Variants in PARD3B observed in about 807,000 individuals in gnomAD.
PARD3B encodes the protein partitioning defective 3 homolog B.
PARD3B carries 103 observed loss-of-function variants against 130.2 expected under a neutral mutation model. That is an observed-to-expected ratio of 0.79 (90% CI 0.67 to 0.93). The LOEUF is 0.93. PARD3B is among the 40% of genes least tolerant of loss of function. PARD3B has a pLI of 0.00. For missense variants in PARD3B, 1,609 were observed against 1,499.2 expected (o/e 1.07, Z -1.21); for synonymous variants, 583 against 553.2 (o/e 1.05, Z -0.76).
At chr2:204,932,038 C>A (rs987772472) in intron 2 of PARD3B, among the ~76,000 whole-genome samples, 1 of 151,974 alleles carries the variant, frequency 6.6e-6, no homozygotes, top group Non-Finnish European at 1.5e-5. Flanking sequence ...TCTACATTTG[C>A]CGAATTCTAG....
At chr2:205,166,416 G>A (rs190142238) in intron 11 of PARD3B, among the ~76,000 whole-genome samples, 1 of 152,134 alleles carries the variant, frequency 6.6e-6, no homozygotes, top group African/African-American at 2.4e-5. Flanking sequence ...AGTCACCAAG[G>A]TATGTACACC....
chr2:205,124,713 C>T (rs1001294603), intron 9 of PARD3B, among the ~76,000 whole-genome samples: 4 of 152,170 alleles, frequency 2.6e-5, no homozygotes, highest in Non-Finnish European at 5.9e-5. Context: ...CATTTCTGAT[C>T]TTCCCTCTCT....
chr2:205,379,175 G>T (rs181442726), intron 18 of PARD3B, among the ~76,000 whole-genome samples: 6 of 152,108 alleles, frequency 3.9e-5, no homozygotes, highest in East Asian at 1.9e-4. Context: ...GTTCTCAAAG[G>T]CTCCATAATT....
intron 2 of PARD3B, among the ~76,000 whole-genome samples, chr2:204,758,293 G>A (rs1236374368): frequency 1.3e-5 from 2 of 152,130 alleles, no homozygotes; most frequent in Non-Finnish European, 2.9e-5. Context: ...CAAGCCCAGA[G>A]TCAGTATGAG....
intron 3 of PARD3B, among the ~76,000 whole-genome samples, chr2:205,041,309 T>A (rs1171281867): frequency 6.6e-6 from 1 of 152,134 alleles, no homozygotes; most frequent in Non-Finnish European, 1.5e-5. Context: ...ATTCTAACAG[T>A]CAGTGGGCTG....
intron 3 of PARD3B, among the ~76,000 whole-genome samples, chr2:205,024,957 T>G (rs1173601801): frequency 6.6e-6 from 1 of 152,160 alleles, no homozygotes; most frequent in Non-Finnish European, 1.5e-5. Context: ...AGAAACTGGC[T>G]TTTTGCAGGA....
At chr2:204,752,797 G>C (rs1296884186) in intron 2 of PARD3B, among the ~76,000 whole-genome samples, 1 of 152,016 alleles carries the variant, frequency 6.6e-6, no homozygotes, top group Non-Finnish European at 1.5e-5. Context: ...ATGTACAATT[G>C]CGTGCCGTTC....
chr2:205,005,791 A>C (rs1575539342), intron 3 of PARD3B, among the ~76,000 whole-genome samples: 1 of 152,216 alleles, frequency 6.6e-6, no homozygotes, highest in African/African-American at 2.4e-5. Flanking sequence ...TGTGTCAAAA[A>C]ACATATCATG....
At chr2:204,721,098 G>T (rs954847275) in intron 2 of PARD3B, among the ~76,000 whole-genome samples, 7 of 152,186 alleles carry the variant, frequency 4.6e-5, no homozygotes, top group Non-Finnish European at 1.0e-4. Flanking sequence ...GCAAAGCAGG[G>T]TGGGGAAAGG....
intron 3 of PARD3B, among the ~76,000 whole-genome samples, chr2:204,976,157 T>C (rs1692127708): frequency 6.6e-6 from 1 of 152,202 alleles, no homozygotes. Context: ...CTTTATATCT[T>C]CTCTGATATC....
intron 18 of PARD3B, among the ~76,000 whole-genome samples, chr2:205,348,544 T>A (rs1262340079): frequency 6.6e-6 from 1 of 152,060 alleles, no homozygotes; most frequent in Non-Finnish European, 1.5e-5. Context: ...CCTAACTAAA[T>A]ATGAAAAGGA....
chr2:204,866,665 A>G (rs922259151), intron 2 of PARD3B, among the ~76,000 whole-genome samples: 6 of 151,616 alleles, frequency 4.0e-5, no homozygotes, highest in African/African-American at 1.5e-4. Flanking sequence ...AAAGATATAT[A>G]TGTGTATATA....
intron 15 of PARD3B, among the ~76,000 whole-genome samples, chr2:205,196,820 T>C (rs962241896): frequency 1.3e-5 from 2 of 152,144 alleles, no homozygotes; most frequent in Non-Finnish European, 2.9e-5. Context: ...TGTTGATATA[T>C]TAGTCCATCT....
At chr2:205,549,523 A>C (rs984057712) in intron 21 of PARD3B, among the ~76,000 whole-genome samples, 1 of 152,170 alleles carries the variant, frequency 6.6e-6, no homozygotes, top group Non-Finnish European at 1.5e-5. Flanking sequence ...GACCAAGTAA[A>C]AGAAGCCAAT....
chr2:204,832,856 A>G lies in PARD3B; in HGVS notation c.223-132296A>G, dbSNP rs144850425. 3.3e-5 allele frequency among the ~76,000 whole-genome samples: 5 copies of G among 152,340 alleles called. No homozygotes were observed. In the East Asian group the frequency reaches 9.6e-4, roughly 29 times the overall value. ...TCTTAAAAAATAGAAAAAAACAACT[A>G]TAGTTCTTACTTACATAGCACGGTA... is the stretch of plus-strand genomic sequence containing the variant. On this transcript the variant is annotated intron_variant, in intron 2 of 22. Coordinates refer to ENST00000406610, the MANE Select transcript of PARD3B (RefSeq NM_001302769.2).
chr2:205,425,469 G>C lies in PARD3B; in HGVS notation c.2742-14901G>C, dbSNP rs79898403. Among the ~76,000 whole-genome samples, 1,443 of 151,094 alleles carry C rather than the reference G, an allele frequency of 9.6e-3. 10 individuals carry two copies. Among genetic ancestry groups the C allele is most frequent in the Non-Finnish European group, 0.014 (925 of 67,900 alleles). On this transcript the variant is annotated intron_variant, in intron 19 of 22. Transcript: ENST00000406610. Reference sequence around the variant, plus strand: ...CAATGGAAAGATACTCAAGGATCTTGCCATTTGGCATTGTAAAAAATGCAA... The same window carrying C: ...CAATGGAAAGATACTCAAGGATCTTCCCATTTGGCATTGTAAAAAATGCAA...
chr2:205,252,980 AT>A (rs938202196), intron 16 of PARD3B, among the ~76,000 whole-genome samples: 32 of 151,692 alleles, frequency 2.1e-4, no homozygotes, highest in African/African-American at 7.0e-4. Context: ...AGCTTTGAGT[AT>A]TTTTTTTAAG....
chr2:205,057,009 T>C (rs994050630), intron 4 of PARD3B, among the ~76,000 whole-genome samples: 1 of 151,716 alleles, frequency 6.6e-6, no homozygotes, highest in African/African-American at 2.4e-5. Flanking sequence ...TTATGGCATG[T>C]TTTGAGCACC....
intron 12 of PARD3B, among the ~76,000 whole-genome samples, chr2:205,175,546 A>G (rs1238742459): frequency 6.6e-6 from 1 of 152,226 alleles, no homozygotes; most frequent in South Asian, 2.1e-4. Context: ...TTTTAGCCAA[A>G]TGCTATACTC....
Sources: allele counts gnomAD v4.1 joint callset (sites outside exome capture counted in the v4.1 genomes callset), GRCh38; gene constraint gnomAD v4.1.1; transcripts MANE v1.5; gene names NCBI Gene and HGNC (gene_info 2026-07-23, HGNC 2026-07-21).